Variants in LUZP2 observed in about 807,000 individuals in gnomAD.
LUZP2 encodes the protein leucine zipper protein 2.
In LUZP2, 52 loss-of-function variants were observed where a neutral mutation model predicts 51.6. The observed-to-expected ratio is 1.01, with a 90% CI of 0.81 to 1.27. LUZP2 has a LOEUF of 1.27. Ranked by LOEUF, LUZP2 falls within the 50% of genes most tolerant of loss-of-function variation. The pLI, the probability that LUZP2 is intolerant of heterozygous loss-of-function variation, is 0.00. For missense variants in LUZP2, 436 were observed against 395.4 expected, an observed-to-expected ratio of 1.10 and a Z score of -0.87; for synonymous variants, 154 against 137.3, an observed-to-expected ratio of 1.12 and a Z score of -0.85.
At chr11:24,527,519 G>T (rs1468112824) in intron 1 of LUZP2, among the ~76,000 whole-genome samples, 1 of 150,834 alleles carries the variant, frequency 6.6e-6, no homozygotes, top group Non-Finnish European at 1.5e-5. Context: ...ACAAAAGTGT[G>T]AGAATCTCCT....
chr11:24,566,614 G>A (rs1038126825), intron 1 of LUZP2, among the ~76,000 whole-genome samples: 3 of 98,860 alleles, frequency 3.0e-5, no homozygotes, highest in East Asian at 2.3e-4. Context: ...ATGTATGTAT[G>A]TATAGATATA....
chr11:25,032,159 C>A (rs770052829), intron 9 of LUZP2, among the ~76,000 whole-genome samples: 1 of 152,100 alleles, frequency 6.6e-6, no homozygotes, highest in Non-Finnish European at 1.5e-5. Context: ...TCCTCCCTAG[C>A]GCCTCCAGAA....
intron 9 of LUZP2, among the ~76,000 whole-genome samples, chr11:25,033,188 C>T (rs1211766750): frequency 6.6e-6 from 1 of 152,046 alleles, no homozygotes; most frequent in African/African-American, 2.4e-5. Flanking sequence ...TCTCCAGAAA[C>T]ATATAAGAAG....
intron 5 of LUZP2, among the ~76,000 whole-genome samples, chr11:24,854,488 C>G (rs945747285): frequency 2.6e-5 from 4 of 152,124 alleles, no homozygotes; most frequent in Non-Finnish European, 4.4e-5. Context: ...TTGAGCATAC[C>G]AGGTTGTCTT....
intron 5 of LUZP2, among the ~76,000 whole-genome samples, chr11:24,859,807 A>G (rs1226895580): frequency 6.6e-6 from 1 of 152,196 alleles, no homozygotes; most frequent in African/African-American, 2.4e-5. Context: ...AGCAGGGGAA[A>G]CTGTGCTTTT....
intron 10 of LUZP2, among the ~76,000 whole-genome samples, chr11:25,065,757 T>G (rs1309581562): frequency 6.6e-6 from 1 of 152,036 alleles, no homozygotes; most frequent in East Asian, 1.9e-4. Context: ...GTGACAAAAC[T>G]TTTTGTGTTT....
intron 5 of LUZP2, among the ~76,000 whole-genome samples, chr11:24,765,357 A>C (rs1860142306): frequency 6.6e-6 from 1 of 152,186 alleles, no homozygotes; most frequent in African/African-American, 2.4e-5. Context: ...TTCTGGAAGA[A>C]GTTTGAAATC....
chr11:24,861,148 G>A (rs955916415), intron 5 of LUZP2, among the ~76,000 whole-genome samples: 4 of 152,078 alleles, frequency 2.6e-5, no homozygotes, highest in African/African-American at 9.7e-5. Flanking sequence ...TGAGAACTTC[G>A]TGAAGCATAT....
chr11:24,569,872 A>G (rs1272229306), intron 1 of LUZP2, among the ~76,000 whole-genome samples: 1 of 120,694 alleles, frequency 8.3e-6, no homozygotes, highest in Non-Finnish European at 1.8e-5. Context: ...TAAAATATTT[A>G]TAAGTAATTA....
intron 1 of LUZP2, among the ~76,000 whole-genome samples, chr11:24,636,247 A>T (rs539950566): frequency 6.6e-6 from 1 of 152,138 alleles, no homozygotes; most frequent in African/African-American, 2.4e-5. Flanking sequence ...CAGCCACAGC[A>T]TATTTATCAG....
intron 1 of LUZP2, among the ~76,000 whole-genome samples, chr11:24,719,361 G>A (rs145597936): frequency 2.2e-4 from 34 of 152,288 alleles, no homozygotes; most frequent in African/African-American, 7.7e-4. Flanking sequence ...AAAATAATTA[G>A]TTAAATCATG....
chr11:24,653,227 G>A (rs1855688937), intron 1 of LUZP2, among the ~76,000 whole-genome samples: 1 of 152,150 alleles, frequency 6.6e-6, no homozygotes, highest in Non-Finnish European at 1.5e-5. Flanking sequence ...GGTAGCAGGG[G>A]ATATCTGTCA....
intron 5 of LUZP2, among the ~76,000 whole-genome samples, chr11:24,777,511 T>C (rs569851294): frequency 2.6e-4 from 39 of 152,312 alleles, no homozygotes; most frequent in African/African-American, 9.4e-4. Context: ...GATATGCATA[T>C]ATTATCCTAG....
chr11:24,584,328 G>C (rs1405789973), intron 1 of LUZP2, among the ~76,000 whole-genome samples: 2 of 152,032 alleles, frequency 1.3e-5, no homozygotes. Flanking sequence ...CTAAATTCTG[G>C]CATAACTTCT....
chr11:24,996,027 T>G (rs1275362605), intron 9 of LUZP2, among the ~76,000 whole-genome samples: 1 of 151,074 alleles, frequency 6.6e-6, no homozygotes, highest in Non-Finnish European at 1.5e-5. Flanking sequence ...TTCTAATTAT[T>G]TTTATATATT....
At chr11:24,551,880 G>T (rs913842428) in intron 1 of LUZP2, among the ~76,000 whole-genome samples, 23 of 151,536 alleles carry the variant, frequency 1.5e-4, no homozygotes, top group African/African-American at 5.6e-4. Flanking sequence ...CTTAAAATAG[G>T]AATCACATAT....
intron 5 of LUZP2, among the ~76,000 whole-genome samples, chr11:24,800,313 G>T (rs139223880): frequency 6.6e-6 from 1 of 152,008 alleles, no homozygotes; most frequent in Admixed American, 6.6e-5. Context: ...GCCTTGCCAC[G>T]CTAGATTGTC....
chr11:25,025,741 C>T (rs1375301328), intron 9 of LUZP2, among the ~76,000 whole-genome samples: 1 of 152,148 alleles, frequency 6.6e-6, no homozygotes, highest in Non-Finnish European at 1.5e-5. Context: ...GTGGCAATTC[C>T]TCAGGGATCT....
At chr11:24,756,960 A>T (rs1859798194) in intron 4 of LUZP2, among the ~76,000 whole-genome samples, 1 of 152,212 alleles carries the variant, frequency 6.6e-6, no homozygotes, top group Admixed American at 6.5e-5. Flanking sequence ...GAACTCGAGG[A>T]AACATCTACA....
Sources: gnomAD v4.1 joint callset for allele counts (sites outside exome capture counted in the v4.1 genomes callset) on GRCh38, gnomAD v4.1.1 for gene constraint, MANE v1.5 for transcripts, NCBI Gene and HGNC (gene_info 2026-07-23, HGNC 2026-07-21) for gene names.